NARS2: variants seen among roughly 807,000 people sequenced by gnomAD.
NARS2 encodes the protein asparaginyl-tRNA synthetase 2, mitochondrial.
NARS2 carries 60 observed loss-of-function variants against 62.9 expected under a neutral mutation model. That is an observed-to-expected ratio of 0.95 (90% confidence interval 0.77 to 1.18). The LOEUF (loss-of-function observed/expected upper bound fraction) is 1.18. Ranked by LOEUF, NARS2 falls within the 50% of genes most tolerant of loss-of-function variation. NARS2 has a pLI of 0.00. For missense variants in NARS2, 619 were observed against 576.4 expected (o/e 1.07, Z -0.76); for synonymous variants, 196 against 200.0 (o/e 0.98, Z 0.17).
chr11:78,537,002 C>T (rs372584749), intron 5 of NARS2, among the ~76,000 whole-genome samples: 14 of 152,182 alleles, frequency 9.2e-5, no homozygotes, highest in African/African-American at 3.4e-4. Flanking sequence ...CTAGGGTATT[C>T]AGTACAGCAA....
At chr11:78,549,585 G>A (rs1241738506) in intron 5 of NARS2, among the ~76,000 whole-genome samples, 1 of 152,100 alleles carries the variant, frequency 6.6e-6, no homozygotes, top group Non-Finnish European at 1.5e-5. Context: ...GCCTTTTTGG[G>A]GTCAGAACAA....
intron 6 of NARS2, among the ~76,000 whole-genome samples, chr11:78,510,203 A>T (rs947174555): frequency 6.6e-5 from 10 of 152,140 alleles, no homozygotes; most frequent in Admixed American, 1.3e-4. Flanking sequence ...TGGATTTTTT[A>T]AAATGACCCA....
chr11:78,540,785 C>A (rs920272788), intron 5 of NARS2, among the ~76,000 whole-genome samples: 2 of 152,178 alleles, frequency 1.3e-5, no homozygotes, highest in African/African-American at 4.8e-5. Flanking sequence ...CACTGAATAT[C>A]CTATTTTCTT....
intron 7 of NARS2, among the ~76,000 whole-genome samples, chr11:78,489,321 A>G (rs1035590868): frequency 4.6e-5 from 7 of 152,222 alleles, no homozygotes; most frequent in African/African-American, 1.7e-4. Context: ...ATGGCCAGTA[A>G]GTACATGAAA....
At chr11:78,505,250 T>C (rs1022387905) in intron 6 of NARS2, among the ~76,000 whole-genome samples, 80 of 145,258 alleles carry the variant, frequency 5.5e-4, no homozygotes, top group Non-Finnish European at 1.0e-3. Flanking sequence ...TGAAACCTTG[T>C]CTCTTAAAGA....
Position 78,563,857 on chromosome 11 carries a change from T to G in NARS2, c.513+2275A>C, listed in dbSNP as rs1245124648. 7.1e-5 allele frequency among the ~76,000 whole-genome samples: 2 copies of G among 27,976 alleles called. 1 individual carries two copies. The highest frequency in any genetic ancestry group is 2.0e-4 in the Non-Finnish European group (2 of 10,218). 18.4% of individuals were successfully genotyped at this position (27,976 alleles called of 152,430 possible). Reference sequence around the variant, plus strand: ...AAAAAAAAAAAAAAAAAAAAATATATATATATATATATGTATACACACACA... The same window carrying G: ...AAAAAAAAAAAAAAAAAAAAATATAGATATATATATATGTATACACACACA... On this transcript the variant is annotated intron_variant, in intron 4 of 13. Transcript: ENST00000281038.
At position 78,509,741 on chromosome 11, in the gene NARS2, C is replaced by T. The variant is rs561561678; in HGVS notation, c.690-16546G>A. On this transcript the variant is annotated intron_variant, in intron 6 of 13. Coordinates refer to ENST00000281038, the MANE Select transcript of NARS2 (RefSeq NM_024678.6). ...GGCTGTTAAAAGTGCAGTCAAGAATCCCTTGAACTCAGGAGGTGGAGGATG... is the reference window on the plus strand; with the variant it reads ...GGCTGTTAAAAGTGCAGTCAAGAATTCCTTGAACTCAGGAGGTGGAGGATG... Among the ~76,000 whole-genome samples, 7 of 151,472 alleles carry T rather than the reference C, an allele frequency of 4.6e-5. No homozygotes were observed. The East Asian group carries it at 1.4e-3, about 29-fold the overall frequency.
chr11:78,477,689 A>G (rs1315411581), intron 9 of NARS2, among the ~76,000 whole-genome samples: 1 of 150,616 alleles, frequency 6.6e-6, no homozygotes, highest in Non-Finnish European at 1.5e-5. Context: ...AAAGCAGATC[A>G]TATTACCCTT....
chr11:78,456,789 C>T (rs1000315620), intron 11 of NARS2, among the ~76,000 whole-genome samples: 3 of 152,218 alleles, frequency 2.0e-5, no homozygotes, highest in Non-Finnish European at 4.4e-5. Context: ...GCCACTCCCC[C>T]AGCTGAACAT....
chr11:78,516,682 T>G (rs1860924380), intron 6 of NARS2, among the ~76,000 whole-genome samples: 1 of 152,196 alleles, frequency 6.6e-6, no homozygotes, highest in South Asian at 2.1e-4. Context: ...TAACAGAAGC[T>G]AAGACAACAA....
At chr11:78,554,627 C>G (rs1010123714) in intron 5 of NARS2, among the ~76,000 whole-genome samples, 2 of 151,880 alleles carry the variant, frequency 1.3e-5, no homozygotes, top group African/African-American at 4.8e-5. Flanking sequence ...ATTTTGTATC[C>G]TGCAACTTTG....
intron 5 of NARS2, among the ~76,000 whole-genome samples, chr11:78,530,537 G>A (rs1323424573): frequency 2.0e-5 from 3 of 152,204 alleles, no homozygotes; most frequent in South Asian, 2.1e-4. Flanking sequence ...GCAGTGGCGC[G>A]ATCTTGACTC....
At chr11:78,565,402 A>C (rs969793929) in intron 4 of NARS2, among the ~76,000 whole-genome samples, 4 of 152,130 alleles carry the variant, frequency 2.6e-5, no homozygotes, top group Admixed American at 6.5e-5. Flanking sequence ...ACAACAACAA[A>C]AGCCATCTCT....
rs73506995 is a variant in NARS2, at chr11:78,549,723, A to C, written c.594+9816T>G. Among the ~76,000 whole-genome samples the C allele has an allele frequency of 5.4e-3, 820 of 152,286 alleles. 6 individuals carry two copies. The highest frequency in any genetic ancestry group is 0.019 in the African/African-American group (789 of 41,552). On this transcript the variant is annotated intron_variant, in intron 5 of 13. Coordinates refer to ENST00000281038, the MANE Select transcript of NARS2 (RefSeq NM_024678.6). ...AATCAGTCTGCAAGTAATGGAGCTT[A>C]AGAGGTGGGTGTGGTCAGGGGAAAA...
At chr11:78,548,843 T>C (rs1315873656) in intron 5 of NARS2, among the ~76,000 whole-genome samples, 2 of 152,166 alleles carry the variant, frequency 1.3e-5, no homozygotes, top group African/African-American at 2.4e-5. Flanking sequence ...GAAATCGTCT[T>C]AAGGGTATAC....
intron 5 of NARS2, among the ~76,000 whole-genome samples, chr11:78,531,887 TG>T (rs1861494409): frequency 6.6e-6 from 1 of 152,106 alleles, no homozygotes; most frequent in Non-Finnish European, 1.5e-5. Context: ...GAAAATGGGA[TG>T]TAACTACTAA....
intron 6 of NARS2, among the ~76,000 whole-genome samples, chr11:78,521,235 G>T (rs2135411204): frequency 6.6e-6 from 1 of 151,190 alleles, no homozygotes; most frequent in South Asian, 2.1e-4. Context: ...TGTGATCACA[G>T]CTCACTGCAG....
chr11:78,489,780 C>T (rs1349519880), intron 7 of NARS2, among the ~76,000 whole-genome samples: 1 of 152,146 alleles, frequency 6.6e-6, no homozygotes, highest in African/African-American at 2.4e-5. Flanking sequence ...GTCTGGGTGG[C>T]TGCGGCTCAC....
chr11:78,552,315 A>G (rs1350936251), intron 5 of NARS2, among the ~76,000 whole-genome samples: 1 of 152,100 alleles, frequency 6.6e-6, no homozygotes, highest in African/African-American at 2.4e-5. Context: ...TTCCCCCAAG[A>G]CATGATCTCA....
Sources: allele counts gnomAD v4.1 joint callset (sites outside exome capture counted in the v4.1 genomes callset), GRCh38; gene constraint gnomAD v4.1.1; transcripts MANE v1.5; gene names NCBI Gene and HGNC (gene_info 2026-07-23, HGNC 2026-07-21).